Variants in STOX2 observed in about 807,000 individuals in gnomAD.
The protein encoded by STOX2 is storkhead-box protein 2.
STOX2 carries 28 observed loss-of-function variants against 60.9 expected under a neutral mutation model. The observed-to-expected ratio is 0.46, with a 90% CI of 0.34 to 0.63. The LOEUF is 0.63. Ranked by LOEUF, STOX2 falls within the 30% of genes least tolerant of loss-of-function variation. The probability of loss-of-function intolerance (pLI) is 0.01; values close to 1 mark genes in which losing one functional copy is unlikely to be tolerated. For missense variants in STOX2, 1,024 were observed against 1,187.7 expected (o/e 0.86, Z 2.03); for synonymous variants, 472 against 463.9 (o/e 1.02, Z -0.22).
rs560793254 is a variant in STOX2 at position 183,946,868 on chromosome 4, A to AC, written c.166+39917dup. Among the ~76,000 whole-genome samples the AC allele has an allele frequency of 1.4e-4, 21 of 151,822 alleles. 1 individual carries two copies. The South Asian group carries it at 3.3e-3, about 24-fold the overall frequency. On this transcript the variant is annotated intron_variant, in intron 1 of 3. Coordinates refer to ENST00000308497, the MANE Select transcript of STOX2 (RefSeq NM_020225.3). ...TCTCGAACTCCTGACCTTGTGATCCACCCCCTCCTTGGCCTCCCAGAGTGC... is the reference window on the plus strand; with the variant it reads ...TCTCGAACTCCTGACCTTGTGATCCACCCCCCTCCTTGGCCTCCCAGAGTGC...
intron 2 of STOX2, among the ~76,000 whole-genome samples, chr4:184,007,015 C>CA (rs61393267): frequency 0.048 from 2,512 of 52,486 alleles, 134 homozygotes; most frequent in African/African-American, 0.084. Context: ...GACTCTGTCT[C>CA]AAAAAAAAAA....
At chr4:183,805,101 G>A (rs888126574) in intron 1 of STOX2, among the ~76,000 whole-genome samples, 10 of 152,250 alleles carry the variant, frequency 6.6e-5, no homozygotes, top group South Asian at 2.1e-4. Flanking sequence ...GGGAAAGTTC[G>A]TTATATACAA....
intron 1 of STOX2, among the ~76,000 whole-genome samples, chr4:183,910,209 G>C (rs928972198): frequency 6.6e-6 from 1 of 152,194 alleles, no homozygotes; most frequent in Non-Finnish European, 1.5e-5. Context: ...GTTATCTTAA[G>C]AAGAAAAGGG....
intron 2 of STOX2, among the ~76,000 whole-genome samples, chr4:184,002,001 T>C (rs553725317): frequency 6.6e-6 from 1 of 152,328 alleles, no homozygotes; most frequent in East Asian, 1.9e-4. Context: ...CCAGCTGCTG[T>C]GTGAGAGGCA....
chr4:183,878,649 G>A (rs558362237), intron 1 of STOX2, among the ~76,000 whole-genome samples: 123 of 151,998 alleles, frequency 8.1e-4, no homozygotes, highest in Non-Finnish European at 1.5e-3. Context: ...TCTGTATAAC[G>A]ACCTCTTCAA....
intron 1 of STOX2, among the ~76,000 whole-genome samples, chr4:183,890,836 G>A (rs947047245): frequency 1.3e-4 from 20 of 152,164 alleles, no homozygotes; most frequent in Admixed American, 1.0e-3. Flanking sequence ...GGCTGGTTGC[G>A]GTGGCTCATG....
intron 1 of STOX2, among the ~76,000 whole-genome samples, chr4:183,920,155 A>G (rs370072471): frequency 5.8e-4 from 88 of 152,124 alleles, no homozygotes; most frequent in African/African-American, 2.0e-3. Context: ...TTGCTCTGTC[A>G]CCCAGGCTGG....
At chr4:183,920,700 C>T (rs574772957) in intron 1 of STOX2, among the ~76,000 whole-genome samples, 34 of 152,302 alleles carry the variant, frequency 2.2e-4, no homozygotes, top group Non-Finnish European at 4.6e-4. Context: ...GAGTGTTTCC[C>T]TGCTGCTATT....
intron 1 of STOX2, among the ~76,000 whole-genome samples, chr4:183,897,542 CTAGTT>C (rs1741365508): frequency 6.6e-6 from 1 of 152,150 alleles, no homozygotes; most frequent in East Asian, 1.9e-4. Context: ...TCATGGTGAG[CTAGTT>C]TCTTTTAGTG....
chr4:183,826,574 C>T (rs183589467), intron 1 of STOX2, among the ~76,000 whole-genome samples: 10 of 152,338 alleles, frequency 6.6e-5, no homozygotes, highest in Admixed American at 3.9e-4. Context: ...ATTAGCTTGT[C>T]GAAAGAGCAA....
At chr4:183,894,754 G>C (rs982956958) in intron 1 of STOX2, among the ~76,000 whole-genome samples, 4 of 152,126 alleles carry the variant, frequency 2.6e-5, no homozygotes, top group African/African-American at 9.7e-5. Flanking sequence ...GCAGCTCTGT[G>C]GTGACCTGCA....
chr4:183,798,521 C>T (rs963866462), intron 1 of STOX2: 5 of 686,826 alleles, frequency 7.3e-6, no homozygotes, highest in African/African-American at 2.0e-5. Flanking sequence ...CCCGGGACGC[C>T]CTTCCCTGGG....
intron 1 of STOX2, among the ~76,000 whole-genome samples, chr4:183,993,013 A>G (rs993003860): frequency 6.6e-6 from 1 of 152,154 alleles, no homozygotes; most frequent in Non-Finnish European, 1.5e-5. Flanking sequence ...ATCTATTGCA[A>G]ATAGCTAAAT....
intron 1 of STOX2, among the ~76,000 whole-genome samples, chr4:183,877,839 C>A (rs527963538): frequency 4.6e-5 from 7 of 152,088 alleles, no homozygotes; most frequent in African/African-American, 1.7e-4. Context: ...TGCCACCACA[C>A]CTGACTAATT....
At chr4:183,883,746 T>G (rs1741011011) in intron 1 of STOX2, among the ~76,000 whole-genome samples, 1 of 152,232 alleles carries the variant, frequency 6.6e-6, no homozygotes, top group Non-Finnish European at 1.5e-5. Context: ...AAGGTCTTCT[T>G]CAGTATCACT....
chr4:183,991,081 A>G (rs1353164422), intron 1 of STOX2, among the ~76,000 whole-genome samples: 1 of 152,080 alleles, frequency 6.6e-6, no homozygotes, highest in Non-Finnish European at 1.5e-5. Context: ...GATTGGCCCA[A>G]CCTAAGTTTT....
intron 1 of STOX2, among the ~76,000 whole-genome samples, chr4:183,812,444 T>A (rs79100412): frequency 0.052 from 7,861 of 152,330 alleles, 297 homozygotes; most frequent in East Asian, 0.12. Context: ...TAGATTTGTT[T>A]AAAAAAGTGC....
At chr4:183,955,073 A>G (rs1243374047) in intron 1 of STOX2, among the ~76,000 whole-genome samples, 1 of 152,204 alleles carries the variant, frequency 6.6e-6, no homozygotes, top group Non-Finnish European at 1.5e-5. Context: ...CTTGGCATGT[A>G]TCTAATTTCT....
chr4:183,982,926 A>C (rs1242914248), intron 1 of STOX2, among the ~76,000 whole-genome samples: 2 of 152,144 alleles, frequency 1.3e-5, no homozygotes, highest in African/African-American at 4.8e-5. Context: ...TAACCTAAAC[A>C]TTCAGCATGA....
Sources: gnomAD v4.1 joint callset for allele counts (sites outside exome capture counted in the v4.1 genomes callset) on GRCh38, gnomAD v4.1.1 for gene constraint, MANE v1.5 for transcripts, NCBI Gene and HGNC (gene_info 2026-07-23, HGNC 2026-07-21) for gene names.